Variants in HELZ observed in about 807,000 individuals in gnomAD.
HELZ encodes the protein ATP-dependent RNA helicase with zinc finger domain.
In HELZ, 23 loss-of-function variants were observed where a neutral mutation model predicts 218.2. That is an observed-to-expected ratio of 0.11 (90% CI 0.08 to 0.15). HELZ has a LOEUF of 0.15. Among genes scored for constraint, HELZ ranks in the 10% least tolerant of loss-of-function variants. The probability of loss-of-function intolerance (pLI) is 1.00; values close to 1 mark genes in which losing one functional copy is unlikely to be tolerated. For synonymous variants in HELZ, 814 were observed against 829.4 expected, an observed-to-expected ratio of 0.98 and a Z score of 0.32; for missense variants, 1,813 against 2,353.7, an observed-to-expected ratio of 0.77 and a Z score of 4.75.
intron 15 of HELZ, among the ~76,000 whole-genome samples, chr17:67,162,734 AT>A (rs11396536): frequency 0.019 from 2,840 of 145,778 alleles, 32 homozygotes; most frequent in East Asian, 0.045. Context: ...CTTATTGTTA[AT>A]TTTTTTTTTT....
chr17:67,171,587 A>G (rs2039311009), intron 13 of HELZ, among the ~76,000 whole-genome samples: 1 of 152,168 alleles, frequency 6.6e-6, no homozygotes, highest in Admixed American at 6.5e-5. Context: ...GACTTCTAAC[A>G]TGACTTCTTG....
At chr17:67,211,559 A>G (rs1228191863) in intron 5 of HELZ, among the ~76,000 whole-genome samples, 1 of 152,190 alleles carries the variant, frequency 6.6e-6, no homozygotes, top group Non-Finnish European at 1.5e-5. Context: ...TACATTTTTC[A>G]TATTAAAAAA....
At chr17:67,096,552 T>C (rs1381619397) in intron 31 of HELZ, among the ~76,000 whole-genome samples, 1 of 152,254 alleles carries the variant, frequency 6.6e-6, no homozygotes, top group Non-Finnish European at 1.5e-5. Flanking sequence ...CTGCAGCTTC[T>C]ATATTAGCAC....
chr17:67,176,349 T>G (rs2039456518), intron 13 of HELZ: 1 of 152,230 alleles, frequency 6.6e-6, no homozygotes, highest in Non-Finnish European at 1.5e-5. Context: ...AAGAACATAA[T>G]TTCAAGTTGT....
chr17:67,207,745 G>A (rs548667166), intron 5 of HELZ, among the ~76,000 whole-genome samples: 3 of 152,060 alleles, frequency 2.0e-5, no homozygotes, highest in South Asian at 2.1e-4. Context: ...AATAAAGGCC[G>A]AGCCTATAAT....
chr17:67,199,401 C>G (rs916343050), intron 7 of HELZ, among the ~76,000 whole-genome samples: 1 of 152,012 alleles, frequency 6.6e-6, no homozygotes, highest in African/African-American at 2.4e-5. Context: ...TTAGTAGACA[C>G]AGGGTTTCAA....
Position 67,076,365 on chromosome 17 carries a change from TGTG to T in HELZ, c.*1884_*1886del, listed in dbSNP as rs2036019090. 1 of 152,224 alleles carries T rather than the reference TGTG, an allele frequency of 6.6e-6. No individual in the cohort carries two copies. The highest frequency in any genetic ancestry group is 1.5e-5 in the Non-Finnish European group (1 of 68,032). The allele number at this position is 152,224 out of a possible 1,614,324, so 9.4% of individuals were successfully genotyped here. On this transcript the variant is annotated 3_prime_UTR_variant, in exon 33 of 33. Coordinates refer to ENST00000358691, the MANE Select transcript of HELZ (RefSeq NM_014877.4). ...TTGAGTAAAATTTGACATTGCTAAA[TGTG>T]GTGATCTGACATCATACAGAGAAAG...
intron 5 of HELZ, among the ~76,000 whole-genome samples, chr17:67,215,152 G>A (rs536812821): frequency 9.6e-5 from 14 of 145,750 alleles, no homozygotes; most frequent in Admixed American, 7.5e-4. Flanking sequence ...TCAGAGAGGG[G>A]AAAAAAAAAA....
Position 67,160,602 on chromosome 17 carries a change from C to A in HELZ, c.2076-240G>T, listed in dbSNP as rs539111982. On this transcript the variant is annotated intron_variant, in intron 16 of 32. Coordinates refer to ENST00000358691, the MANE Select transcript of HELZ (RefSeq NM_014877.4). ...TATAAAATATACACATATATTTAAA[C>A]CCAAGTCTTCTGGCTCTAATAGATA... is the stretch of plus-strand genomic sequence containing the variant. 2.6e-5 allele frequency among the ~76,000 whole-genome samples: 4 copies of A among 152,200 alleles called. No homozygotes were observed. In the South Asian group the frequency reaches 8.3e-4, roughly 32 times the overall value.
intron 15 of HELZ, among the ~76,000 whole-genome samples, chr17:67,164,319 C>G (rs1244517876): frequency 6.6e-6 from 1 of 152,150 alleles, no homozygotes; most frequent in African/African-American, 2.4e-5. Flanking sequence ...ATGGAAGGGT[C>G]AGGTTCATCT....
intron 3 of HELZ, among the ~76,000 whole-genome samples, chr17:67,230,419 A>C (rs1209018584): frequency 6.6e-6 from 1 of 152,076 alleles, no homozygotes; most frequent in Non-Finnish European, 1.5e-5. Context: ...AACATGGTGA[A>C]ACCCTGTCTC....
chr17:67,212,228 T>C (rs967824207), intron 5 of HELZ, among the ~76,000 whole-genome samples: 3 of 144,424 alleles, frequency 2.1e-5, no homozygotes, highest in Non-Finnish European at 4.5e-5. Context: ...GGCAGGAGAA[T>C]TGCTTGAACC....
intron 22 of HELZ, 25 bp downstream of exon 22, chr17:67,137,906 T>C (rs781711449): frequency 1.3e-6 from 2 of 1,542,518 alleles, no homozygotes; most frequent in Non-Finnish European, 1.8e-6. Flanking sequence ...TTTGAATGAC[T>C]GAATTCATTT....
chr17:67,206,903 T>C (rs1184571572), intron 5 of HELZ, among the ~76,000 whole-genome samples: 7 of 149,176 alleles, frequency 4.7e-5, no homozygotes, highest in Non-Finnish European at 1.5e-5. Context: ...CGGGTTTTTT[T>C]GTTTTTTGTT....
intron 12 of HELZ, 137 bp from the exon 13 acceptor site, chr17:67,179,063 A>C (rs2039536147): frequency 1.7e-6 from 1 of 580,492 alleles, no homozygotes; most frequent in South Asian, 2.6e-5. Context: ...AAAACAAAAC[A>C]ATGCAAATAC....
At chr17:67,211,329 A>G (rs1268753717) in intron 5 of HELZ, among the ~76,000 whole-genome samples, 2 of 152,292 alleles carry the variant, frequency 1.3e-5, no homozygotes, top group East Asian at 3.9e-4. Context: ...GAATTATATC[A>G]ATTCTATTAT....
At chr17:67,084,834 C>T (rs921313863) in intron 32 of HELZ, among the ~76,000 whole-genome samples, 2 of 151,884 alleles carry the variant, frequency 1.3e-5, no homozygotes, top group African/African-American at 4.8e-5. Context: ...ATCCTAGACC[C>T]TGAAAGTGAC....
intron 3 of HELZ, among the ~76,000 whole-genome samples, chr17:67,235,778 CG>C (rs1476861026): frequency 4.5e-5 from 4 of 88,460 alleles, no homozygotes; most frequent in Non-Finnish European, 8.3e-5. Context: ...TTTTTTGAGA[CG>C]GAGTCTCCCT....
intron 2 of HELZ, among the ~76,000 whole-genome samples, chr17:67,242,302 C>T (rs1034297865): frequency 2.6e-5 from 4 of 151,678 alleles, no homozygotes; most frequent in Non-Finnish European, 5.9e-5. Flanking sequence ...GTAATCCCTA[C>T]TCGGGAAGCT....
Sources: allele counts gnomAD v4.1 joint callset (sites outside exome capture counted in the v4.1 genomes callset), GRCh38; gene constraint gnomAD v4.1.1; transcripts MANE v1.5; gene names NCBI Gene and HGNC (gene_info 2026-07-23, HGNC 2026-07-21).